The following MTR variants were observed in gnomAD, a reference collection of about 807,000 sequenced individuals.
The protein encoded by MTR is 5-methyltetrahydrofolate-homocysteine methyltransferase, also known as methionine synthase.
Under a neutral mutation model 154.8 loss-of-function variants are expected in MTR, and 84 were observed. That is an observed-to-expected ratio of 0.54 (90% CI 0.45 to 0.65). The LOEUF (loss-of-function observed/expected upper bound fraction) is 0.65, where lower values mean the gene tolerates loss of function less well. Among genes scored for constraint, MTR ranks in the 30% least tolerant of loss-of-function variants. The probability of loss-of-function intolerance (pLI) is 0.00; values close to 1 mark genes in which losing one functional copy is unlikely to be tolerated. For missense variants in MTR, 1,275 were observed against 1,570.2 expected (o/e 0.81, Z 3.18); for synonymous variants, 554 against 553.9 (o/e 1.00, Z 0.00).
intron 5 of MTR, chr1:236,811,526 A>G: frequency 2.2e-6 from 1 of 449,684 alleles, no homozygotes; most frequent in Middle Eastern, 3.3e-4. Flanking sequence ...TGATGAGATC[A>G]AGCAAATATG....
chr1:236,891,361 G>A (rs886136016), intron 29 of MTR, 32 bp downstream of exon 29: 4 of 1,592,710 alleles, frequency 2.5e-6, no homozygotes, highest in Admixed American at 3.3e-5. Flanking sequence ...CCAGCACACC[G>A]CTTTCGCTTG....
Position 236,897,720 on chromosome 1 carries a change from A to G in MTR, c.*76A>G. 1 of 1,282,074 alleles carries G rather than the reference A, an allele frequency of 7.8e-7. No homozygotes were observed. The highest frequency in any genetic ancestry group is 1.1e-6 in the Non-Finnish European group (1 of 888,690). 79.4% of individuals were successfully genotyped at this position (1,282,074 alleles called of 1,614,324 possible). ...CAACCTAGGGTGCCTTAAAAATAAC[A>G]ACAACAAAAAACCTGTGTGCATCTG... On this transcript the variant is annotated 3_prime_UTR_variant, in exon 33 of 33. Coordinates refer to ENST00000366577, the MANE Select transcript of MTR (RefSeq NM_000254.3).
chr1:236,894,604 A>G (rs922459413), intron 30 of MTR, 47 bp downstream of exon 30: 49 of 1,602,886 alleles, frequency 3.1e-5, no homozygotes, highest in Non-Finnish European at 4.2e-5. Flanking sequence ...GAGGCCAGGC[A>G]GTAGGGAGCC....
chr1:236,808,596 C>A, intron 3 of MTR, 108 bp from the exon 4 acceptor site: 1 of 1,078,198 alleles, frequency 9.3e-7, no homozygotes, highest in Non-Finnish European at 1.4e-6. Context: ...GATTAATTCA[C>A]TCTACATTTT....
chr1:236,862,436 T>C (rs1478907171), intron 21 of MTR, 93 bp downstream of exon 21: 5 of 963,670 alleles, frequency 5.2e-6, no homozygotes, highest in African/African-American at 3.2e-5. Context: ...GGGTTGGCTG[T>C]GTTCGTTATT....
chr1:236,807,703 C>G (rs1190667859), intron 3 of MTR, among the ~76,000 whole-genome samples: 2 of 152,128 alleles, frequency 1.3e-5, no homozygotes, highest in Admixed American at 6.5e-5. Flanking sequence ...TGGCATGTTT[C>G]CAGACACATT....
chr1:236,897,454 C>A, intron 32 of MTR, 104 bp from the exon 33 acceptor site: 1 of 1,112,834 alleles, frequency 9.0e-7, no homozygotes, highest in Non-Finnish European at 1.4e-6. Context: ...GCTATTAAGA[C>A]AAGAAATGCA....
intron 20 of MTR, among the ~76,000 whole-genome samples, chr1:236,861,620 A>T (rs191069273): frequency 6.6e-6 from 1 of 152,318 alleles, no homozygotes; most frequent in African/African-American, 2.4e-5. Context: ...ACTTGATTTG[A>T]CCAGGCACTG....
At position 236,873,749 on chromosome 1, in the gene MTR, T is replaced by C. The variant is rs200567675; in HGVS notation, c.2406-24T>C. On this transcript the variant is annotated intron_variant, in intron 22 of 32. Transcript: ENST00000366577. ...CTCTAATGGGCTTTCATTAATTTTC[T>C]CATGTCTCATTTCTGTGCCTCAGAG... 8.1e-6 allele frequency: 13 copies of C among 1,603,718 alleles called. No homozygotes were observed. In the East Asian group the frequency reaches 2.9e-4, roughly 36 times the overall value.
At chr1:236,838,689 C>T (rs1419271412) in intron 15 of MTR, 90 bp downstream of exon 15, 6 of 1,292,626 alleles carry the variant, frequency 4.6e-6, no homozygotes, top group Non-Finnish European at 6.6e-6. Context: ...TACATATATA[C>T]ATACACATAT....
chr1:236,797,614 A>G (rs1323442171), intron 1 of MTR, among the ~76,000 whole-genome samples: 2 of 152,138 alleles, frequency 1.3e-5, no homozygotes, highest in Non-Finnish European at 2.9e-5. Flanking sequence ...TATTAAAATC[A>G]AAGGGGGAAA....
chr1:236,897,310 G>GCGCGCGCACACACACACACACA, intron 32 of MTR, among the ~76,000 whole-genome samples, 192 bp downstream of exon 32: 21 of 128,682 alleles, frequency 1.6e-4, no homozygotes, highest in Admixed American at 6.8e-4. Context: ...CCACACACAC[G>GCGCGCGCACACACACACACACA]CACACACACA....
intron 8 of MTR, among the ~76,000 whole-genome samples, chr1:236,816,759 A>G (rs779686411): frequency 2.0e-5 from 3 of 152,216 alleles, no homozygotes; most frequent in Non-Finnish European, 4.4e-5. Flanking sequence ...GAGTTCTCAT[A>G]CTTACAAATG....
chr1:236,820,026 C>G lies in MTR; in HGVS notation c.764+3483C>G, dbSNP rs556006388. On this transcript the variant is annotated intron_variant, in intron 8 of 32. Coordinates refer to ENST00000366577, the MANE Select transcript of MTR (RefSeq NM_000254.3). ...TGTGGTTACTGACTCGAGGGCTGACCAGCAGCCTCTCATGGAGGCATCTTT... is the reference window on the plus strand; with the variant it reads ...TGTGGTTACTGACTCGAGGGCTGACGAGCAGCCTCTCATGGAGGCATCTTT... The G allele has an allele frequency of 4.3e-5, 39 of 902,480 alleles. No homozygotes were observed. The East Asian group carries it at 9.3e-4, about 22-fold the overall frequency. 55.9% of individuals were successfully genotyped at this position (902,480 alleles called of 1,614,324 possible).
Position 236,795,675 on chromosome 1 carries a change from C to T in MTR, c.-29C>T. 1 of 1,613,848 alleles carries T rather than the reference C, an allele frequency of 6.2e-7. No individual in the cohort carries two copies. The highest frequency in any genetic ancestry group is 1.1e-5 in the South Asian group (1 of 91,092). On this transcript the variant is annotated 5_prime_UTR_variant, in exon 1 of 33. Transcript: ENST00000366577. Reference sequence around the variant, plus strand: ...TGGAGAGCACGTCTTCTCTGCCGCGCCCTCTGCGCAAGGAGGAGACTCGAC... The same window carrying T: ...TGGAGAGCACGTCTTCTCTGCCGCGTCCTCTGCGCAAGGAGGAGACTCGAC...
intron 22 of MTR, among the ~76,000 whole-genome samples, chr1:236,864,275 A>G (rs1664710232): frequency 6.6e-6 from 1 of 152,118 alleles, no homozygotes; most frequent in Non-Finnish European, 1.5e-5. Flanking sequence ...CCAATGTGCC[A>G]TTTTCTCTAG....
chr1:236,795,839 G>C, intron 1 of MTR, 102 bp downstream of exon 1: 1 of 1,566,866 alleles, frequency 6.4e-7, no homozygotes, highest in Non-Finnish European at 8.7e-7. Flanking sequence ...GGAGACGCCC[G>C]GCGGTGTTTC....
At chr1:236,817,646 C>G (rs1661675763) in intron 8 of MTR, among the ~76,000 whole-genome samples, 1 of 152,268 alleles carries the variant, frequency 6.6e-6, no homozygotes, top group African/African-American at 2.4e-5. Flanking sequence ...AATAGAGGAT[C>G]TGGGGACAGG....
chr1:236,805,115 C>T (rs1206471684), intron 2 of MTR, among the ~76,000 whole-genome samples: 1 of 152,176 alleles, frequency 6.6e-6, no homozygotes, highest in Non-Finnish European at 1.5e-5. Flanking sequence ...CCCAGTGCTT[C>T]TGCAACCATT....
Sources: allele counts gnomAD v4.1 joint callset (sites outside exome capture counted in the v4.1 genomes callset), GRCh38; gene constraint gnomAD v4.1.1; transcripts MANE v1.5; gene names NCBI Gene and HGNC (gene_info 2026-07-23, HGNC 2026-07-21).